Variants in DDAH1 observed in about 807,000 individuals in gnomAD.
DDAH1 encodes the protein N(G),N(G)-dimethylarginine dimethylaminohydrolase 1.
In DDAH1, 19 loss-of-function variants were observed where a neutral mutation model predicts 28.8. That is an observed-to-expected ratio of 0.66 (90% CI 0.46 to 0.97). The LOEUF is 0.97. Ranked by LOEUF, DDAH1 falls within the 50% of genes least tolerant of loss-of-function variation. DDAH1 has a pLI of 0.00. For synonymous variants in DDAH1, 153 were observed against 154.4 expected (o/e 0.99, Z 0.07); for missense variants, 326 against 375.9 (o/e 0.87, Z 1.10).
intron 1 of DDAH1, among the ~76,000 whole-genome samples, chr1:85,430,521 C>T (rs1471581067): frequency 6.6e-6 from 1 of 152,152 alleles, no homozygotes; most frequent in Non-Finnish European, 1.5e-5. Context: ...TCGATTCTTC[C>T]TATTCATGAT....
chr1:85,361,970 C>T (rs1157338835), intron 1 of DDAH1, among the ~76,000 whole-genome samples: 1 of 152,186 alleles, frequency 6.6e-6, no homozygotes, highest in Non-Finnish European at 1.5e-5. Flanking sequence ...TTATGAATAA[C>T]AGCTTGTGTA....
intron 1 of DDAH1, among the ~76,000 whole-genome samples, chr1:85,538,768 G>T (rs1349045621): frequency 5.9e-5 from 9 of 152,190 alleles, no homozygotes; most frequent in Admixed American, 5.9e-4. Context: ...AGATTCAAGG[G>T]CAACTCAGGT....
chr1:85,469,687 TG>T (rs1655551507), upstream of DDAH1, among the ~76,000 whole-genome samples: 1 of 152,184 alleles, frequency 6.6e-6, no homozygotes, highest in African/African-American at 2.4e-5. Flanking sequence ...GGAGAATTTG[TG>T]GCCTTCCTAG....
intron 1 of DDAH1, among the ~76,000 whole-genome samples, chr1:85,519,216 C>T (rs1657583915): frequency 6.6e-6 from 1 of 151,510 alleles, no homozygotes; most frequent in East Asian, 1.9e-4. Context: ...GCCTCAGCCT[C>T]CCCAGTAGCT....
At chr1:85,573,644 C>G (rs1290130215) in intron 1 of DDAH1, among the ~76,000 whole-genome samples, 2 of 152,194 alleles carry the variant, frequency 1.3e-5, no homozygotes, top group Non-Finnish European at 2.9e-5. Context: ...AAAAGTGTTT[C>G]CTATCATATT....
rs12142800 is a variant in DDAH1 at position 85,455,075 on chromosome 1, A to C, written c.303+9668T>G. Among the ~76,000 whole-genome samples, 1,147 of 152,336 alleles carry C rather than the reference A, an allele frequency of 7.5e-3. 5 individuals are homozygous for C. The highest frequency in any genetic ancestry group is 0.012 in the Non-Finnish European group (787 of 68,034). On this transcript the variant is annotated intron_variant, in intron 1 of 5. Transcript: ENST00000284031. ...AGAAAGTTAGAAAATTCCAAAAACA[A>C]GATTTAAAAAATGGTTTGGGTATTT...
At chr1:85,414,269 A>G (rs545363249) in intron 1 of DDAH1, among the ~76,000 whole-genome samples, 1 of 152,292 alleles carries the variant, frequency 6.6e-6, no homozygotes, top group Non-Finnish European at 1.5e-5. Flanking sequence ...GTGCCAGGAG[A>G]GTTAGTTCTC....
At chr1:85,397,664 G>A (rs1351321305) in intron 1 of DDAH1, among the ~76,000 whole-genome samples, 3 of 152,124 alleles carry the variant, frequency 2.0e-5, no homozygotes, top group Non-Finnish European at 4.4e-5. Context: ...TTTGCTCTCT[G>A]TATTACACAA....
At chr1:85,339,783 C>T (rs233069) in intron 4 of DDAH1, among the ~76,000 whole-genome samples, 52,110 of 151,912 alleles carry the variant, frequency 0.34, 9,077 homozygotes, top group South Asian at 0.4. Flanking sequence ...TCAACACCTA[C>T]GGCATTTAAT....
chr1:85,486,615 A>G (rs1374734809), intron 2 of DDAH1, among the ~76,000 whole-genome samples: 2 of 152,232 alleles, frequency 1.3e-5, no homozygotes. Flanking sequence ...TGGAGATGCA[A>G]AATGAATATG....
intron 4 of DDAH1, among the ~76,000 whole-genome samples, chr1:85,344,254 G>T (rs1648692273): frequency 6.6e-6 from 1 of 151,998 alleles, no homozygotes; most frequent in Non-Finnish European, 1.5e-5. Context: ...CAAAAGAACA[G>T]AATTACTAAT....
chr1:85,438,107 T>C (rs1312660872), intron 1 of DDAH1, among the ~76,000 whole-genome samples: 3 of 152,172 alleles, frequency 2.0e-5, no homozygotes, highest in Non-Finnish European at 4.4e-5. Flanking sequence ...ATCTTCTCAC[T>C]TATATGTGGG....
At chr1:85,401,344 G>C (rs749032518) in intron 1 of DDAH1, among the ~76,000 whole-genome samples, 1 of 152,106 alleles carries the variant, frequency 6.6e-6, no homozygotes. Flanking sequence ...TGGAGCAGTA[G>C]AGAATGACTA....
In DDAH1 at chr1:85,365,440, T is replaced by C. The variant is rs1378208556; in HGVS notation, c.304-6593A>G. On this transcript the variant is annotated intron_variant, in intron 1 of 5. Coordinates refer to ENST00000284031, the MANE Select transcript of DDAH1 (RefSeq NM_012137.4). Reference sequence around the variant, plus strand: ...GCAGTCTGAACTTGCATTTGGTTTCTAAACAGTCTAAATTTTGCTTTTCTA... The same window carrying C: ...GCAGTCTGAACTTGCATTTGGTTTCCAAACAGTCTAAATTTTGCTTTTCTA... Among the ~76,000 whole-genome samples the C allele has an allele frequency of 3.9e-5, 6 of 152,224 alleles. No individual in the cohort carries two copies. In the East Asian group the frequency reaches 5.8e-4, roughly 15 times the overall value.
intron 1 of DDAH1, among the ~76,000 whole-genome samples, chr1:85,451,455 A>G: frequency 6.6e-6 from 1 of 152,224 alleles, no homozygotes. Flanking sequence ...ACAATGCTAT[A>G]GGGTAGTCAA....
intron 1 of DDAH1, among the ~76,000 whole-genome samples, chr1:85,457,975 C>T (rs1008431565): frequency 3.9e-5 from 6 of 151,914 alleles, no homozygotes; most frequent in African/African-American, 7.3e-5. Flanking sequence ...AGGCGTGAGC[C>T]ACCACACCCA....
At chr1:85,474,363 T>A (rs975638554) in intron 2 of DDAH1, among the ~76,000 whole-genome samples, 1 of 152,190 alleles carries the variant, frequency 6.6e-6, no homozygotes, top group African/African-American at 2.4e-5. Context: ...TCCACATGTT[T>A]TACCATGGCC....
At chr1:85,381,620 T>A (rs1650998328) in intron 1 of DDAH1, among the ~76,000 whole-genome samples, 1 of 152,210 alleles carries the variant, frequency 6.6e-6, no homozygotes, top group Non-Finnish European at 1.5e-5. Context: ...TGAGTATTTT[T>A]CCTCTGACTG....
At chr1:85,493,194 T>C (rs770268028) in intron 2 of DDAH1, among the ~76,000 whole-genome samples, 10 of 152,248 alleles carry the variant, frequency 6.6e-5, no homozygotes, top group South Asian at 4.1e-4. Flanking sequence ...AGACTGTTTT[T>C]ATAGGCCTCT....
Sources: allele counts gnomAD v4.1 joint callset (sites outside exome capture counted in the v4.1 genomes callset), GRCh38; gene constraint gnomAD v4.1.1; transcripts MANE v1.5; gene names NCBI Gene and HGNC (gene_info 2026-07-23, HGNC 2026-07-21).